Variants in RFC1 observed in about 807,000 individuals in gnomAD.
RFC1 encodes the protein replication factor C subunit 1, also known as A1 140 kDa subunit.
Under a neutral mutation model 137.4 loss-of-function variants are expected in RFC1, and 37 were observed. The observed-to-expected ratio is 0.27, with a 90% CI of 0.21 to 0.35. The LOEUF is 0.35. Among genes scored for constraint, RFC1 ranks in the 10% least tolerant of loss-of-function variants. The pLI is 1.00. For synonymous variants in RFC1, 429 were observed against 455.7 expected (o/e 0.94, Z 0.75); for missense variants, 1,205 against 1,358.5 (o/e 0.89, Z 1.78).
In RFC1 at chr4:39,311,462, T is replaced by C; in HGVS notation, c.1471A>G (p.Ile491Val). 6.2e-7 allele frequency: 1 copy of C among 1,613,804 alleles called. No individual in the cohort carries two copies. The highest frequency in any genetic ancestry group is 8.5e-7 in the Non-Finnish European group (1 of 1,179,772). The change falls in exon 12 of 25, where the codon ATA (isoleucine) becomes GTA (valine). Residue 491 changes from isoleucine (I) to valine (V), a missense_variant. Around this residue, in one of 3 missense-constraint regions of RFC1, gnomAD observed 962 missense variants for 1,035.3 expected, o/e 0.93. Transcript: ENST00000349703. The part of the protein sequence containing the change: ...TMPGKKSKYE[I>V]AVETEMKKES... ...ATACGAACCTCAGTTTCAACTGCTA[T>C]TTCATACTTGGATTTCTTGCCTGGC... is the stretch of plus-strand genomic sequence containing the variant.
chr4:39,351,601 T>A, intron 1 of RFC1, 125 bp from the exon 2 acceptor site: 1 of 698,438 alleles, frequency 1.4e-6, no homozygotes, highest in Non-Finnish European at 2.2e-6. Context: ...CATACCAAGA[T>A]AGTTCCACGA....
At chr4:39,291,959 A>G in intron 22 of RFC1, 107 bp from the exon 23 acceptor site, 1 of 789,358 alleles carries the variant, frequency 1.3e-6, no homozygotes, top group Admixed American at 2.1e-5. Flanking sequence ...CAATTTCAAT[A>G]ATGCTGAATG....
Position 39,366,296 on chromosome 4 carries a change from C to G in RFC1, c.-55G>C. 4 of 1,508,124 alleles carry G rather than the reference C, an allele frequency of 2.7e-6. No homozygotes were observed. The highest frequency in any genetic ancestry group is 3.5e-6 in the Non-Finnish European group (4 of 1,127,060). The allele number at this position is 1,508,124 out of a possible 1,614,324, so 93.4% of individuals were successfully genotyped here. A position where few individuals can be genotyped will look rare whatever the true frequency, so the allele number is the denominator to read the frequency against. On this transcript the variant is annotated 5_prime_UTR_variant, in exon 1 of 25. Transcript: ENST00000349703. ...CTGGCGGGTGGGCCGGTTGAGGAATCTGTTATCGAGGCTCAGGATCCATTC... is the reference window on the plus strand; with the variant it reads ...CTGGCGGGTGGGCCGGTTGAGGAATGTGTTATCGAGGCTCAGGATCCATTC...
chr4:39,307,216 T>G (rs779101657), intron 13 of RFC1, among the ~76,000 whole-genome samples: 6 of 152,174 alleles, frequency 3.9e-5, no homozygotes, highest in African/African-American at 1.4e-4. Flanking sequence ...AGCTACATGG[T>G]CACAAGAAGA....
At chr4:39,308,527 A>C (rs1738798034) in intron 13 of RFC1, 109 bp downstream of exon 13, 1 of 1,448,496 alleles carries the variant, frequency 6.9e-7, no homozygotes, top group Non-Finnish European at 9.4e-7. Flanking sequence ...GCTCTTAATA[A>C]ATGCTTGCTG....
At chr4:39,329,204 T>G (rs138831381) in intron 4 of RFC1, among the ~76,000 whole-genome samples, 161 of 118,742 alleles carry the variant, frequency 1.4e-3, no homozygotes, top group African/African-American at 5.1e-3. Flanking sequence ...AATGAAAATC[T>G]AAGAGACAAA....
chr4:39,321,424 T>C, intron 7 of RFC1, 50 bp from the exon 8 acceptor site: 1 of 1,532,868 alleles, frequency 6.5e-7, no homozygotes, highest in Non-Finnish European at 9.0e-7. Context: ...GAAAAACTAT[T>C]ACCATAAAAT....
chr4:39,309,155 C>T lies in RFC1; in HGVS notation c.1489-123G>A, dbSNP rs1225762197. ...AGTGGGCTACTCAACCTGGGCTGGT[C>T]TTTTCACAACAGACTTTCCTGTTTG... On this transcript the variant is annotated intron_variant, in intron 12 of 24. Coordinates refer to ENST00000349703, the MANE Select transcript of RFC1 (RefSeq NM_002913.5). The T allele has an allele frequency of 7.4e-6, 7 of 948,682 alleles. No individual in the cohort carries two copies. In the Admixed American group the frequency reaches 2.2e-4, roughly 29 times the overall value. The allele number at this position is 948,682 out of a possible 1,614,324, so 58.8% of individuals were successfully genotyped here. A position where few individuals can be genotyped will look rare whatever the true frequency, so the allele number is the denominator to read the frequency against.
chr4:39,360,420 T>C (rs1321259459), intron 1 of RFC1, among the ~76,000 whole-genome samples: 1 of 151,926 alleles, frequency 6.6e-6, no homozygotes, highest in Non-Finnish European at 1.5e-5. Flanking sequence ...AGCAAATCGC[T>C]TGAACCCAGG....
chr4:39,323,459 CT>C, intron 6 of RFC1, 42 bp from the exon 7 acceptor site: 1 of 1,526,790 alleles, frequency 6.5e-7, no homozygotes, highest in Non-Finnish European at 9.1e-7. Flanking sequence ...TGCTCTTTTT[CT>C]TTTCGTAAAT....
intron 6 of RFC1, among the ~76,000 whole-genome samples, chr4:39,326,041 A>T (rs921418297): frequency 6.6e-6 from 1 of 152,160 alleles, no homozygotes; most frequent in Non-Finnish European, 1.5e-5. Context: ...CTCTACTAAA[A>T]ATACATAAAT....
rs573822362 is a variant in RFC1 at position 39,295,931 on chromosome 4, C to A, written c.2809-172G>T. The A allele has an allele frequency of 1.0e-5, 5 of 493,520 alleles. No individual in the cohort carries two copies. The Admixed American group carries it at 1.9e-4, about 19-fold the overall frequency. The allele number at this position is 493,520 out of a possible 1,614,324, so 30.6% of individuals were successfully genotyped here. ...TCTGATCTGCTGGTACAGGAAACTT[C>A]TCCCAGAGAAAACAACAGATTGCGG... On this transcript the variant is annotated intron_variant, in intron 21 of 24. Transcript: ENST00000349703.
At position 39,302,940 on chromosome 4, in the gene RFC1, T is replaced by A. The variant is rs1738441961; in HGVS notation, c.2203-66A>T. On this transcript the variant is annotated intron_variant, in intron 16 of 24. Coordinates refer to ENST00000349703, the MANE Select transcript of RFC1 (RefSeq NM_002913.5). ...AATGACAAATACCACACAAGCTATT[T>A]TAGGTTCTAAAAATCTCCTCAGCAA... 2.6e-6 allele frequency: 4 copies of A among 1,528,596 alleles called. No individual in the cohort carries two copies. The African/African-American group carries it at 4.1e-5, about 16-fold the overall frequency. The allele number at this position is 1,528,596 out of a possible 1,614,324, so 94.7% of individuals were successfully genotyped here.
chr4:39,354,986 G>A (rs1435676411), intron 1 of RFC1, among the ~76,000 whole-genome samples: 2 of 151,230 alleles, frequency 1.3e-5, no homozygotes, highest in Non-Finnish European at 2.9e-5. Context: ...GGGGGCTGAG[G>A]CACAAGAATC....
intron 3 of RFC1, 88 bp downstream of exon 3, chr4:39,345,313 A>C: frequency 8.8e-7 from 1 of 1,133,070 alleles, no homozygotes; most frequent in Non-Finnish European, 1.3e-6. Context: ...GAGCCACCGC[A>C]CCCATCCTTA....
chr4:39,302,420 T>G, intron 18 of RFC1, 44 bp from the exon 19 acceptor site: 4 of 1,536,206 alleles, frequency 2.6e-6, no homozygotes, highest in Non-Finnish European at 3.6e-6. Context: ...AGGAAAATCC[T>G]GTTGCTCCCC....
chr4:39,324,120 C>T (rs566665372), intron 6 of RFC1, among the ~76,000 whole-genome samples: 2 of 152,124 alleles, frequency 1.3e-5, no homozygotes, highest in African/African-American at 2.4e-5. Context: ...AACCAAATGG[C>T]TGTATGCTCC....
chr4:39,310,329 G>A (rs1738905018), intron 12 of RFC1, among the ~76,000 whole-genome samples: 1 of 152,144 alleles, frequency 6.6e-6, no homozygotes, highest in Admixed American at 6.5e-5. Context: ...GAACTACAGG[G>A]AAAAATGTAA....
intron 15 of RFC1, among the ~76,000 whole-genome samples, chr4:39,303,746 G>T (rs575490584): frequency 6.6e-6 from 1 of 152,258 alleles, no homozygotes; most frequent in South Asian, 2.1e-4. Context: ...GAGCCAACAT[G>T]CCCAGCCAGT....
Sources: gnomAD v4.1 joint callset for allele counts (sites outside exome capture counted in the v4.1 genomes callset) on GRCh38, gnomAD v4.1.1 for gene constraint, gnomAD v4.1.1 regional missense constraint, MANE v1.5 for transcripts, NCBI Gene and HGNC (gene_info 2026-07-23, HGNC 2026-07-21) for gene names.